The following C1QTNF3 variants were observed in gnomAD, a reference collection of about 807,000 sequenced individuals.
The protein encoded by C1QTNF3 is complement C1q tumor necrosis factor-related protein 3.
In C1QTNF3, 26 loss-of-function variants were observed where a neutral mutation model predicts 32.6. The observed-to-expected ratio is 0.80, with a 90% CI of 0.58 to 1.11. The LOEUF is 1.11. Among genes scored for constraint, C1QTNF3 ranks in the 50% least tolerant of loss-of-function variants. The pLI, the probability that C1QTNF3 is intolerant of heterozygous loss-of-function variation, is 0.00. For missense variants in C1QTNF3, 362 were observed against 398.2 expected, an observed-to-expected ratio of 0.91 and a Z score of 0.77; for synonymous variants, 155 against 146.0, an observed-to-expected ratio of 1.06 and a Z score of -0.44.
the C1QTNF3 span, among the ~76,000 whole-genome samples, chr5:34,110,141 T>C: frequency 2.6e-5 from 4 of 152,182 alleles, no homozygotes; most frequent in African/African-American, 4.8e-5. Context: ...TGAGACATTA[T>C]CATGTGACAA....
chr5:34,235,025 T>C, the C1QTNF3 span, among the ~76,000 whole-genome samples: 1 of 152,166 alleles, frequency 6.6e-6, no homozygotes, highest in African/African-American at 2.4e-5. Flanking sequence ...TTCTAAAGTC[T>C]GCCTCATTTC....
At chr5:34,039,074 T>C (rs541819415) in intron 1 of C1QTNF3, among the ~76,000 whole-genome samples, 73 of 152,248 alleles carry the variant, frequency 4.8e-4, no homozygotes, top group African/African-American at 1.6e-3. Flanking sequence ...CAGAGTTTAA[T>C]TGGCAAATGA....
At chr5:34,197,961 C>T in the C1QTNF3 span, among the ~76,000 whole-genome samples, 13 of 150,896 alleles carry the variant, frequency 8.6e-5, no homozygotes, top group Admixed American at 4.6e-4. Context: ...CCCGGCTGGG[C>T]ACGGTGGCTC....
At chr5:34,036,549 A>G (rs561280884) in intron 1 of C1QTNF3, among the ~76,000 whole-genome samples, 3 of 152,352 alleles carry the variant, frequency 2.0e-5, no homozygotes, top group African/African-American at 7.2e-5. Flanking sequence ...GCTATTAACT[A>G]TAAGTCCAAT....
At chr5:34,133,421 C>A in the C1QTNF3 span, among the ~76,000 whole-genome samples, 1 of 152,032 alleles carries the variant, frequency 6.6e-6, no homozygotes, top group Non-Finnish European at 1.5e-5. Context: ...CCAGTATGAT[C>A]TAGAATAAGA....
the C1QTNF3 span, among the ~76,000 whole-genome samples, chr5:34,209,835 A>T: frequency 7.2e-5 from 11 of 152,116 alleles, no homozygotes; most frequent in Non-Finnish European, 1.2e-4. Context: ...ATATTCAAAA[A>T]TCTTTATCAG....
At chr5:34,177,459 G>C in the C1QTNF3 span, among the ~76,000 whole-genome samples, 1 of 151,044 alleles carries the variant, frequency 6.6e-6, no homozygotes, top group Non-Finnish European at 1.5e-5. Context: ...TGGGACTAGA[G>C]GCAAGCACGA....
chr5:34,051,260 C>A, the C1QTNF3 span, among the ~76,000 whole-genome samples: 1 of 152,192 alleles, frequency 6.6e-6, no homozygotes, highest in South Asian at 2.1e-4. Flanking sequence ...ATTGCCCAGT[C>A]TTCAAACCAT....
the C1QTNF3 span, chr5:34,218,572 C>T: frequency 6.6e-6 from 1 of 152,320 alleles, no homozygotes; most frequent in Non-Finnish European, 1.5e-5. Context: ...AACACCTGTC[C>T]CCATGCAGTG....
chr5:34,032,012 A>T (rs1372265819), intron 3 of C1QTNF3, among the ~76,000 whole-genome samples: 2 of 152,240 alleles, frequency 1.3e-5, no homozygotes, highest in African/African-American at 4.8e-5. Context: ...TTCAGGCAAG[A>T]ATCGCTTTAT....
At chr5:34,121,103 G>A in the C1QTNF3 span, among the ~76,000 whole-genome samples, 3 of 152,086 alleles carry the variant, frequency 2.0e-5, no homozygotes, top group East Asian at 5.8e-4. Flanking sequence ...ACTGCTTTAG[G>A]AAGGCTTTGA....
At chr5:34,182,472 C>CATAA in the C1QTNF3 span, among the ~76,000 whole-genome samples, 3 of 151,442 alleles carry the variant, frequency 2.0e-5, no homozygotes, top group African/African-American at 7.3e-5. Context: ...GTGAGACCAT[C>CATAA]ACAAATAAAT....
chr5:34,216,532 C>T, the C1QTNF3 span, among the ~76,000 whole-genome samples: 3 of 152,136 alleles, frequency 2.0e-5, no homozygotes, highest in African/African-American at 7.2e-5. Flanking sequence ...TGAATTGTAA[C>T]TCAGCCACTC....
the C1QTNF3 span, among the ~76,000 whole-genome samples, chr5:34,093,189 T>A: frequency 6.6e-6 from 1 of 151,814 alleles, no homozygotes; most frequent in Non-Finnish European, 1.5e-5. Flanking sequence ...GAAATAATAT[T>A]TTTACTATTT....
the C1QTNF3 span, among the ~76,000 whole-genome samples, chr5:34,056,217 A>G: frequency 7.2e-5 from 11 of 151,946 alleles, no homozygotes; most frequent in Non-Finnish European, 1.3e-4. Flanking sequence ...GATAGAAAAC[A>G]TATCAGGGAA....
chr5:34,215,638 G>C, the C1QTNF3 span, among the ~76,000 whole-genome samples: 2 of 152,052 alleles, frequency 1.3e-5, no homozygotes, highest in Admixed American at 6.6e-5. Flanking sequence ...TTTACTTTTT[G>C]TGTTGTTTTG....
chr5:34,154,111 T>C, the C1QTNF3 span, among the ~76,000 whole-genome samples: 1 of 152,176 alleles, frequency 6.6e-6, no homozygotes, highest in South Asian at 2.1e-4. Flanking sequence ...TCCTATTAAG[T>C]ATAGAGTTTT....
chr5:34,218,325 C>G, the C1QTNF3 span: 1 of 150,824 alleles, frequency 6.6e-6, no homozygotes, highest in South Asian at 2.1e-4. Context: ...GCTGGTTTTA[C>G]AGGGTTGCTC....
chr5:34,203,478 G>C, the C1QTNF3 span, among the ~76,000 whole-genome samples: 4 of 152,286 alleles, frequency 2.6e-5, no homozygotes, highest in African/African-American at 9.6e-5. Context: ...ACGAGGTCAG[G>C]AGTTCGAGGC....
Sources: gnomAD v4.1 joint callset for allele counts (sites outside exome capture counted in the v4.1 genomes callset) on GRCh38, gnomAD v4.1.1 for gene constraint, MANE v1.5 for transcripts, NCBI Gene and HGNC (gene_info 2026-07-23, HGNC 2026-07-21) for gene names.